The following HERPUD2 variants were observed in gnomAD, a reference collection of about 807,000 sequenced individuals.
HERPUD2 encodes homocysteine-responsive endoplasmic reticulum-resident ubiquitin-like domain member 2 protein.
Under a neutral mutation model 49.9 loss-of-function variants are expected in HERPUD2, and 13 were observed. The observed-to-expected ratio is 0.26, with a 90% CI of 0.17 to 0.41. The LOEUF is 0.41. Ranked by LOEUF, HERPUD2 falls within the 10% of genes least tolerant of loss-of-function variation. The pLI is 1.00. For missense variants in HERPUD2, 449 were observed against 492.2 expected, an observed-to-expected ratio of 0.91 and a Z score of 0.83; for synonymous variants, 172 against 171.4, an observed-to-expected ratio of 1.00 and a Z score of -0.03.
intron 2 of HERPUD2, among the ~76,000 whole-genome samples, chr7:35,685,250 G>GAA (rs1450318783): frequency 6.7e-6 from 1 of 148,296 alleles, no homozygotes; most frequent in African/African-American, 2.5e-5. Context: ...AAAAAAAACA[G>GAA]AAAAGAAAAC....
At chr7:35,644,633 G>A (rs1207511873) in intron 5 of HERPUD2, among the ~76,000 whole-genome samples, 1 of 152,036 alleles carries the variant, frequency 6.6e-6, no homozygotes, top group South Asian at 2.1e-4. Flanking sequence ...CCAGTGTGGA[G>A]ACGTGTGCCT....
chr7:35,641,646 A>T (rs1011466821), intron 5 of HERPUD2, among the ~76,000 whole-genome samples: 1 of 152,176 alleles, frequency 6.6e-6, no homozygotes, highest in Non-Finnish European at 1.5e-5. Context: ...GGAACAAAAT[A>T]GCCCGGAAAT....
At chr7:35,648,890 T>G (rs1048012478) in intron 5 of HERPUD2, among the ~76,000 whole-genome samples, 1 of 152,154 alleles carries the variant, frequency 6.6e-6, no homozygotes, top group Non-Finnish European at 1.5e-5. Context: ...ACTAATACGC[T>G]CTCCATCAAT....
chr7:35,651,217 C>T lies in HERPUD2; in HGVS notation c.495-12745G>A, dbSNP rs1785159894. ...CCTAGGGGCCCGATGACATGCCAAA[C>T]TGCCCAGCCCACCACTGTCACTGAT... is the stretch of plus-strand genomic sequence containing the variant. On this transcript the variant is annotated intron_variant, in intron 5 of 8. Transcript: ENST00000311350. 1.3e-5 allele frequency among the ~76,000 whole-genome samples: 2 copies of T among 152,168 alleles called. 1 individual carries two copies. The highest frequency in any genetic ancestry group is 4.1e-4 in the South Asian group (2 of 4,834).
At chr7:35,635,558 C>A (rs1784858494) in intron 6 of HERPUD2, 100 bp from the exon 7 acceptor site, 11 of 978,876 alleles carry the variant, frequency 1.1e-5, no homozygotes, top group Non-Finnish European at 1.6e-5. Flanking sequence ...TTTCATAAAC[C>A]TAATATGGAA....
intron 5 of HERPUD2, among the ~76,000 whole-genome samples, chr7:35,639,612 A>C (rs1248086825): frequency 6.6e-6 from 1 of 152,240 alleles, no homozygotes; most frequent in Non-Finnish European, 1.5e-5. Flanking sequence ...TGAATTTGCT[A>C]ACTCTTCTTC....
rs1478998890 is a variant in HERPUD2, at chr7:35,634,331, T to C, written c.1040A>G (p.Asn347Ser). The change falls in exon 8 of 9, where the codon AAC (asparagine) becomes AGC (serine). Residue 347 changes from asparagine (N) to serine (S), a missense_variant. Physicochemically the swap from Asn to Ser is conservative, Grantham distance 46. Transcript: ENST00000311350. ...EVNNDGQNAN[N>S]LELEEMERLM... is the part of the protein sequence containing the mutation. Reference sequence around the variant, plus strand: ...ACATACCATTTCTTCAAGTTCCAAGTTGTTTGCATTTTGCCCATCATTGTT... The same window carrying C: ...ACATACCATTTCTTCAAGTTCCAAGCTGTTTGCATTTTGCCCATCATTGTT... The C allele has an allele frequency of 3.7e-6, 6 of 1,611,330 alleles. No individual in the cohort carries two copies. The Admixed American group carries it at 8.3e-5, about 22-fold the overall frequency.
At position 35,634,292 on chromosome 7, in the gene HERPUD2, CA is replaced by C. The variant is rs778970288; in HGVS notation, c.1059+19del. 1.4e-6 allele frequency: 2 copies of C among 1,477,102 alleles called. No homozygotes were observed. The highest frequency in any genetic ancestry group is 1.1e-5 in the South Asian group (1 of 88,258). The allele number at this position is 1,477,102 out of a possible 1,614,324, so 91.5% of individuals were successfully genotyped here. On this transcript the variant is annotated intron_variant, in intron 8 of 8. Coordinates refer to ENST00000311350, the MANE Select transcript of HERPUD2 (RefSeq NM_022373.5). ...GGAAAATCTCAGTATCTTAAGTATA[CA>C]AAAGCTTCAATCACATACCATTTCT...
intron 5 of HERPUD2, 81 bp downstream of exon 5, chr7:35,667,353 A>G: frequency 8.2e-7 from 1 of 1,220,148 alleles, no homozygotes; most frequent in Admixed American, 2.0e-5. Flanking sequence ...AATTACTGCA[A>G]AGAGGCTATA....
At chr7:35,691,832 A>AGGAC (rs1004419998) in intron 2 of HERPUD2, among the ~76,000 whole-genome samples, 22 of 152,328 alleles carry the variant, frequency 1.4e-4, no homozygotes, top group Middle Eastern at 3.4e-3. Context: ...TGGCTTTGCG[A>AGGAC]TACCATTAAA....
chr7:35,647,288 C>T (rs13235590), intron 5 of HERPUD2, among the ~76,000 whole-genome samples: 46,462 of 151,882 alleles, frequency 0.31, 7,953 homozygotes, highest in Non-Finnish European at 0.38. Flanking sequence ...AATGTTATCA[C>T]CTCTGAAGCC....
chr7:35,685,828 G>A (rs1473111135), intron 2 of HERPUD2, among the ~76,000 whole-genome samples: 1 of 151,928 alleles, frequency 6.6e-6, no homozygotes, highest in Admixed American at 6.5e-5. Context: ...AAAATACGTG[G>A]CAGCAGCAGG....
intron 2 of HERPUD2, among the ~76,000 whole-genome samples, chr7:35,679,202 T>C (rs2116004499): frequency 6.6e-6 from 1 of 152,282 alleles, no homozygotes; most frequent in South Asian, 2.1e-4. Flanking sequence ...TAATATTAAT[T>C]TTTTATCCAG....
intron 2 of HERPUD2, among the ~76,000 whole-genome samples, chr7:35,693,701 G>A (rs1392362751): frequency 2.0e-5 from 3 of 152,022 alleles, no homozygotes; most frequent in African/African-American, 7.2e-5. Context: ...GCAGTGGTGC[G>A]ATCTTGGCTC....
intron 5 of HERPUD2, among the ~76,000 whole-genome samples, chr7:35,653,276 T>A (rs973944950): frequency 1.3e-5 from 2 of 152,168 alleles, no homozygotes; most frequent in African/African-American, 4.8e-5. Flanking sequence ...CAAGAACATC[T>A]ATCCTTATAA....
At chr7:35,635,986 A>G (rs566668965) in intron 6 of HERPUD2, among the ~76,000 whole-genome samples, 6 of 152,300 alleles carry the variant, frequency 3.9e-5, no homozygotes, top group Admixed American at 6.5e-5. Context: ...CTTCCACCCC[A>G]ATACTGATTT....
intron 8 of HERPUD2, among the ~76,000 whole-genome samples, 170 bp from the exon 9 acceptor site, chr7:35,634,021 G>C (rs918678467): frequency 2.4e-4 from 37 of 152,128 alleles, no homozygotes; most frequent in African/African-American, 8.5e-4. Flanking sequence ...CCGTAAAGGG[G>C]ACAACTGCCA....
intron 5 of HERPUD2, among the ~76,000 whole-genome samples, chr7:35,645,458 C>T (rs1785037196): frequency 6.6e-6 from 1 of 151,928 alleles, no homozygotes; most frequent in Admixed American, 6.6e-5. Context: ...ATTATATAAA[C>T]AAAGAATGGG....
At chr7:35,672,171 G>T (rs1389293891) in intron 3 of HERPUD2, among the ~76,000 whole-genome samples, 1 of 151,850 alleles carries the variant, frequency 6.6e-6, no homozygotes, top group Non-Finnish European at 1.5e-5. Flanking sequence ...TGATAGTGGG[G>T]CAGGCTGTGC....
Sources: allele counts gnomAD v4.1 joint callset (sites outside exome capture counted in the v4.1 genomes callset), GRCh38; gene constraint gnomAD v4.1.1; transcripts MANE v1.5; gene names NCBI Gene and HGNC (gene_info 2026-07-23, HGNC 2026-07-21).